FANCA: variants seen among roughly 807,000 people sequenced by gnomAD.
FANCA encodes FA complementation group A.
A neutral mutation model predicts 194.3 loss-of-function variants in FANCA; 236 were observed. The ratio of observed to expected loss-of-function variants is 1.21; its 90% CI spans 1.09 to 1.35. The LOEUF is 1.35. FANCA is among the 40% of genes most tolerant of loss of function. The pLI, the probability that FANCA is intolerant of heterozygous loss-of-function variation, is 0.00. For synonymous variants in FANCA, 1,014 were observed against 715.8 expected (o/e 1.42, Z -6.65); for missense variants, 2,628 against 1,813.9 (o/e 1.45, Z -8.15).
chr16:89,805,419 A>G (rs779008390), intron 6 of FANCA, 27 bp from the exon 7 acceptor site: 23 of 1,557,618 alleles, frequency 1.5e-5, no homozygotes, highest in Middle Eastern at 1.7e-4. Flanking sequence ...AGGCAGACGT[A>G]AGGCTCAACT....
intron 14 of FANCA, among the ~76,000 whole-genome samples, chr16:89,786,306 C>G (rs1452850987): frequency 6.6e-6 from 1 of 152,194 alleles, no homozygotes; most frequent in Non-Finnish European, 1.5e-5. Flanking sequence ...GCCTCAGCCT[C>G]CTGAGTAGCT....
intron 14 of FANCA, among the ~76,000 whole-genome samples, chr16:89,785,876 A>T (rs1476843637): frequency 1.5e-5 from 1 of 67,384 alleles, no homozygotes; most frequent in Non-Finnish European, 2.4e-5. Context: ...TTTTTTGGAG[A>T]CAGAGTCTTG....
rs934717094 is a variant in FANCA, at chr16:89,770,686, G to C, written c.2152-52C>G. ...TGGTGTCCTGGGGACGGGAGCAGCA[G>C]GAAGGAAGCCGGCCAGCGCTCCCGC... is the stretch of plus-strand genomic sequence containing the variant. On this transcript the variant is annotated intron_variant, in intron 23 of 42. Transcript: ENST00000389301. 4 of 1,502,512 alleles carry C rather than the reference G, an allele frequency of 2.7e-6. No individual in the cohort carries two copies. In the East Asian group the frequency reaches 9.8e-5, roughly 37 times the overall value. 93.1% of individuals were successfully genotyped at this position (1,502,512 alleles called of 1,614,324 possible).
At position 89,798,404 on chromosome 16, in the gene FANCA, C is replaced by G. The variant is rs971580081; in HGVS notation, c.893+762G>C. The G allele has an allele frequency of 3.8e-6, 4 of 1,062,568 alleles. No individual in the cohort carries two copies. In the African/African-American group the frequency reaches 6.6e-5, roughly 18 times the overall value. The allele number at this position is 1,062,568 out of a possible 1,614,324, so 65.8% of individuals were successfully genotyped here. The stretch of plus-strand genomic sequence containing the variant: ...TCACTGTTTCAGTAAAAGTACCGAA[C>G]GGTACAACACATTTAATTGAGCAGT... On this transcript the variant is annotated intron_variant, in intron 10 of 42. Coordinates refer to ENST00000389301, the MANE Select transcript of FANCA (RefSeq NM_000135.4).
At chr16:89,758,754 G>A (rs780538795) in intron 29 of FANCA, 49 bp from the exon 30 acceptor site, 1 of 1,607,690 alleles carries the variant, frequency 6.2e-7, no homozygotes, top group Admixed American at 1.7e-5. Context: ...TTCGTGGCCA[G>A]CGGTTCCCCA....
At chr16:89,811,847 C>T (rs1480985927) in intron 3 of FANCA, among the ~76,000 whole-genome samples, 1 of 152,130 alleles carries the variant, frequency 6.6e-6, no homozygotes, top group African/African-American at 2.4e-5. Context: ...TCTCCTGCCT[C>T]AGCCTCCCAA....
At chr16:89,762,102 T>C (rs1040263113) in intron 28 of FANCA, 80 bp from the exon 29 acceptor site, 10 of 1,108,816 alleles carry the variant, frequency 9.0e-6, no homozygotes, top group African/African-American at 7.7e-5. Context: ...CAGTTTGTCA[T>C]TTCATCTCAT....
At chr16:89,761,534 G>C (rs182290011) in intron 29 of FANCA, among the ~76,000 whole-genome samples, 1 of 149,718 alleles carries the variant, frequency 6.7e-6, no homozygotes, top group East Asian at 2.0e-4. Flanking sequence ...TGTGCTCAAA[G>C]ATTAACAGGT....
At chr16:89,801,511 T>C (rs534551451) in intron 8 of FANCA, among the ~76,000 whole-genome samples, 8 of 152,268 alleles carry the variant, frequency 5.3e-5, no homozygotes, top group African/African-American at 1.9e-4. Context: ...TCAGTGAGAA[T>C]GTAAATTAAT....
chr16:89,767,115 GAA>G (rs1567616089), intron 27 of FANCA, 24 bp downstream of exon 27: 1 of 1,560,588 alleles, frequency 6.4e-7, no homozygotes, highest in East Asian at 2.2e-5. Context: ...TGGCAGAATG[GAA>G]AAATAGGAAA....
At chr16:89,815,350 T>C (rs1055876822) in intron 2 of FANCA, among the ~76,000 whole-genome samples, 4 of 124,548 alleles carry the variant, frequency 3.2e-5, no homozygotes, top group Admixed American at 7.7e-5. Flanking sequence ...TTTTTTTTTT[T>C]TTTTTTTTTT....
chr16:89,750,700 G>A (rs1019506294), intron 31 of FANCA, among the ~76,000 whole-genome samples: 2 of 152,088 alleles, frequency 1.3e-5, no homozygotes, highest in Non-Finnish European at 2.9e-5. Flanking sequence ...TTGAACCCGG[G>A]AGGTAGAGGC....
chr16:89,748,064 AC>A (rs749236962), intron 33 of FANCA, among the ~76,000 whole-genome samples: 1 of 152,142 alleles, frequency 6.6e-6, no homozygotes, highest in Non-Finnish European at 1.5e-5. Context: ...GGCGTGCACC[AC>A]CATACCCAGC....
At chr16:89,755,647 G>A (rs2038742265) in intron 30 of FANCA, among the ~76,000 whole-genome samples, 1 of 151,854 alleles carries the variant, frequency 6.6e-6, no homozygotes, top group African/African-American at 2.4e-5. Context: ...TAACAGAATG[G>A]GAAAAAATAT....
At chr16:89,773,504 G>C in intron 21 of FANCA, 120 bp from the exon 22 acceptor site, 3 of 762,700 alleles carry the variant, frequency 3.9e-6, no homozygotes, top group Non-Finnish European at 4.5e-6. Flanking sequence ...GTGTGTGGCA[G>C]ACGGAGGGAC....
At chr16:89,745,768 C>T (rs1009832500) in intron 35 of FANCA, among the ~76,000 whole-genome samples, 5 of 147,854 alleles carry the variant, frequency 3.4e-5, no homozygotes, top group Non-Finnish European at 6.0e-5. Context: ...GAGCTGGGAA[C>T]GAAACAGTGA....
chr16:89,798,942 T>C, intron 10 of FANCA: 2 of 1,609,580 alleles, frequency 1.2e-6, no homozygotes, highest in Admixed American at 1.7e-5. Flanking sequence ...GATACTGCAG[T>C]GGGCGCACCT....
At chr16:89,771,278 G>C (rs140364466) in intron 23 of FANCA, among the ~76,000 whole-genome samples, 65 of 151,874 alleles carry the variant, frequency 4.3e-4, no homozygotes, top group African/African-American at 1.4e-3. Flanking sequence ...AGGCAACACA[G>C]AGAAACCCCA....
At chr16:89,808,413 C>G in intron 5 of FANCA, 46 bp from the exon 6 acceptor site, 2 of 1,584,732 alleles carry the variant, frequency 1.3e-6, no homozygotes, top group East Asian at 4.5e-5. Context: ...AAAAAAACCC[C>G]CAGCATTCTG....
Sources: allele counts gnomAD v4.1 joint callset (sites outside exome capture counted in the v4.1 genomes callset), GRCh38; gene constraint gnomAD v4.1.1; transcripts MANE v1.5; gene names NCBI Gene and HGNC (gene_info 2026-07-23, HGNC 2026-07-21).